EPB41L3: variants seen among roughly 807,000 people sequenced by gnomAD.
EPB41L3 encodes the protein erythrocyte membrane protein band 4.1 like 3, also known as band 4.1-like protein 3.
Under a neutral mutation model 127.1 loss-of-function variants are expected in EPB41L3, and 57 were observed. That is an observed-to-expected ratio of 0.45 (90% confidence interval 0.36 to 0.56). The LOEUF is 0.56. Among genes scored for constraint, EPB41L3 ranks in the 20% least tolerant of loss-of-function variants. The pLI is 0.00. For synonymous variants in EPB41L3, 572 were observed against 549.5 expected, an observed-to-expected ratio of 1.04 and a Z score of -0.57; for missense variants, 1,273 against 1,372.2, an observed-to-expected ratio of 0.93 and a Z score of 1.14.
chr18:5,588,984 A>C (rs2094463161), intron 3 of EPB41L3, among the ~76,000 whole-genome samples: 1 of 152,168 alleles, frequency 6.6e-6, no homozygotes, highest in Non-Finnish European at 1.5e-5. Context: ...GTAGATGAGA[A>C]AGTGTATTTA....
chr18:5,565,157 G>A (rs2094181521), intron 3 of EPB41L3, among the ~76,000 whole-genome samples: 1 of 151,904 alleles, frequency 6.6e-6, no homozygotes, highest in Non-Finnish European at 1.5e-5. Context: ...AGCACTTTGG[G>A]AGGCCAAGGC....
intron 3 of EPB41L3, among the ~76,000 whole-genome samples, chr18:5,572,192 A>G (rs1394592098): frequency 2.0e-5 from 3 of 152,224 alleles, no homozygotes; most frequent in African/African-American, 7.2e-5. Context: ...AGGTTTTAGT[A>G]CTAGGAAAAC....
chr18:5,489,367 A>T, intron 1 of EPB41L3, 173 bp from the exon 2 acceptor site: 1 of 649,046 alleles, frequency 1.5e-6, no homozygotes, highest in Non-Finnish European at 2.4e-6. Context: ...CACCACTGAG[A>T]TGGGTGCCCA....
chr18:5,584,629 T>G (rs753544222), intron 3 of EPB41L3, among the ~76,000 whole-genome samples: 6 of 152,160 alleles, frequency 3.9e-5, no homozygotes, highest in Admixed American at 6.6e-5. Context: ...AAGAAAAGAC[T>G]AAACAAAAAG....
intron 1 of EPB41L3, chr18:5,614,455 C>G (rs1400510320): frequency 1.3e-5 from 2 of 152,190 alleles, no homozygotes; most frequent in African/African-American, 2.4e-5. Flanking sequence ...ATTAGTGTCT[C>G]ATTCCTGCTC....
rs539261094 is a variant in EPB41L3 at position 5,453,067 on chromosome 18, C to A, written c.382-7823G>T. Among the ~76,000 whole-genome samples, 16 of 152,304 alleles carry A rather than the reference C, an allele frequency of 1.1e-4. No individual in the cohort carries two copies. The East Asian group carries it at 2.9e-3, about 28-fold the overall frequency. On this transcript the variant is annotated intron_variant, in intron 3 of 22. Transcript: ENST00000341928. ...ATGGGCATTGCCTCCATTCCTGAAT[C>A]CCTATAAATCATCTCTTAGTCTGTG...
At chr18:5,484,086 CAAAAAAAAAAAAAAA>C (rs57231548) in intron 2 of EPB41L3, among the ~76,000 whole-genome samples, 16 of 18,278 alleles carry the variant, frequency 8.8e-4, no homozygotes, top group Admixed American at 5.8e-3. Flanking sequence ...CAAACAAACT[CAAAAAAAAAAAAAAA>C]AAAAAAAAAA....
rs539606095 is a variant in EPB41L3 at position 5,597,535 on chromosome 18, T to A, written c.-306+14805A>T. ...TATTCTACTGTTTATTTTAGGAAAA[T>A]TTGCAATTATTCATTATACATTAAA... On this transcript the variant is annotated intron_variant, in intron 3 of 21. Transcript: ENST00000545076. Among the ~76,000 whole-genome samples, 6 of 152,258 alleles carry A rather than the reference T, an allele frequency of 3.9e-5. No homozygotes were observed. In the South Asian group the frequency reaches 1.2e-3, roughly 32 times the overall value.
intron 3 of EPB41L3, among the ~76,000 whole-genome samples, chr18:5,590,075 G>A (rs907455934): frequency 6.6e-6 from 1 of 152,210 alleles, no homozygotes; most frequent in Non-Finnish European, 1.5e-5. Context: ...TGAGGGCGAA[G>A]GAGGAAGGAG....
intron 3 of EPB41L3, among the ~76,000 whole-genome samples, chr18:5,470,454 A>C (rs1568319375): frequency 6.6e-6 from 1 of 152,226 alleles, no homozygotes; most frequent in African/African-American, 2.4e-5. Context: ...AAGAAGAAAA[A>C]CCAACATGCA....
chr18:5,496,583 ACT>A (rs1179839153), intron 1 of EPB41L3, among the ~76,000 whole-genome samples: 23 of 152,324 alleles, frequency 1.5e-4, no homozygotes, highest in Admixed American at 1.3e-3. Context: ...CACTGTGAAC[ACT>A]CTGTCAAAAG....
chr18:5,481,053 A>G (rs1255764116), intron 2 of EPB41L3: 1 of 152,230 alleles, frequency 6.6e-6, no homozygotes, highest in East Asian at 1.9e-4. Flanking sequence ...GATGGCTACA[A>G]CAGTTCCTTA....
chr18:5,623,070 G>C (rs2094883049), intron 1 of EPB41L3, among the ~76,000 whole-genome samples: 1 of 139,356 alleles, frequency 7.2e-6, no homozygotes, highest in Admixed American at 8.0e-5. Context: ...TTTTCATCCT[G>C]TATGTGATGC....
chr18:5,439,125 A>G (rs892494684), intron 5 of EPB41L3, among the ~76,000 whole-genome samples: 1 of 152,072 alleles, frequency 6.6e-6, no homozygotes, highest in African/African-American at 2.4e-5. Context: ...CAAGAGGTAC[A>G]CTAGAGCCTA....
At chr18:5,600,810 C>A (rs2094582815) in intron 3 of EPB41L3, among the ~76,000 whole-genome samples, 1 of 152,136 alleles carries the variant, frequency 6.6e-6, no homozygotes, top group South Asian at 2.1e-4. Flanking sequence ...GCTGCCGCTG[C>A]AGAGTCAAGA....
chr18:5,493,973 T>G (rs1260250030), intron 1 of EPB41L3, among the ~76,000 whole-genome samples: 2 of 152,164 alleles, frequency 1.3e-5, no homozygotes, highest in African/African-American at 4.8e-5. Context: ...ATTTCTAAAC[T>G]TCACAATTCT....
chr18:5,566,676 A>G (rs1358421061), intron 3 of EPB41L3, among the ~76,000 whole-genome samples: 1 of 152,034 alleles, frequency 6.6e-6, no homozygotes, highest in Non-Finnish European at 1.5e-5. Flanking sequence ...CCAAAGGAAC[A>G]AAGCTGGAAG....
chr18:5,440,253 T>C (rs1184020602), intron 5 of EPB41L3, among the ~76,000 whole-genome samples: 1 of 152,184 alleles, frequency 6.6e-6, no homozygotes, highest in Non-Finnish European at 1.5e-5. Flanking sequence ...CTAAGGAATC[T>C]ACTTCCCTAA....
At chr18:5,553,011 T>A (rs2093986404) in intron 3 of EPB41L3, among the ~76,000 whole-genome samples, 1 of 152,148 alleles carries the variant, frequency 6.6e-6, no homozygotes, top group African/African-American at 2.4e-5. Flanking sequence ...AGTACAATAA[T>A]ATACTCCAAT....
Sources: gnomAD v4.1 joint callset for allele counts (sites outside exome capture counted in the v4.1 genomes callset) on GRCh38, gnomAD v4.1.1 for gene constraint, MANE v1.5 for transcripts, NCBI Gene and HGNC (gene_info 2026-07-23, HGNC 2026-07-21) for gene names.